Variants in ENOX1 observed in about 807,000 individuals in gnomAD.
The protein encoded by ENOX1 is candidate growth-related and time keeping constitutive hydroquinone (NADH) oxidase.
In ENOX1, 42 loss-of-function variants were observed where a neutral mutation model predicts 82.5. That is an observed-to-expected ratio of 0.51 (90% CI 0.40 to 0.66). ENOX1 has a LOEUF of 0.66. Ranked by LOEUF, ENOX1 falls within the 30% of genes least tolerant of loss-of-function variation. The pLI, the probability that ENOX1 is intolerant of heterozygous loss-of-function variation, is 0.00. For missense variants in ENOX1, 608 were observed against 811.6 expected (o/e 0.75, Z 3.05); for synonymous variants, 271 against 282.2 (o/e 0.96, Z 0.40).
chr13:43,529,706 T>A (rs1204994113), intron 2 of ENOX1, among the ~76,000 whole-genome samples: 2 of 152,176 alleles, frequency 1.3e-5, no homozygotes, highest in South Asian at 4.1e-4. Flanking sequence ...GCTTTAGGCA[T>A]CCACTGGGAG....
At chr13:43,239,646 C>T (rs865831806) in intron 14 of ENOX1, among the ~76,000 whole-genome samples, 21 of 152,288 alleles carry the variant, frequency 1.4e-4, no homozygotes, top group Middle Eastern at 3.4e-3. Context: ...GCTAAGCCTG[C>T]CTTGGGCATG....
chr13:43,579,934 G>A (rs1419579667), intron 2 of ENOX1, among the ~76,000 whole-genome samples: 1 of 152,134 alleles, frequency 6.6e-6, no homozygotes, highest in Non-Finnish European at 1.5e-5. Context: ...AGAGTTCAAG[G>A]TGTTCTTCCA....
chr13:43,586,962 T>C (rs2081023461), intron 2 of ENOX1, among the ~76,000 whole-genome samples: 1 of 151,410 alleles, frequency 6.6e-6, no homozygotes, highest in East Asian at 1.9e-4. Context: ...TAATTCCAGC[T>C]ACTCAGGAGG....
At chr13:43,386,144 C>T (rs879363288) in intron 5 of ENOX1, among the ~76,000 whole-genome samples, 8 of 152,000 alleles carry the variant, frequency 5.3e-5, no homozygotes, top group Non-Finnish European at 1.2e-4. Flanking sequence ...CCAGCCTGGG[C>T]GACAGAACAA....
At chr13:43,379,035 T>C (rs186885348) in intron 5 of ENOX1, among the ~76,000 whole-genome samples, 1 of 152,114 alleles carries the variant, frequency 6.6e-6, no homozygotes, top group Admixed American at 6.5e-5. Flanking sequence ...GTTTTGAAGA[T>C]GGAAGACAGC....
intron 15 of ENOX1, among the ~76,000 whole-genome samples, chr13:43,233,471 T>A (rs776374049): frequency 2.0e-5 from 3 of 152,162 alleles, no homozygotes; most frequent in Non-Finnish European, 4.4e-5. Flanking sequence ...AAATAAAGAC[T>A]CTAGTTTTAT....
intron 2 of ENOX1, among the ~76,000 whole-genome samples, chr13:43,585,831 C>T (rs145313536): frequency 0.032 from 4,907 of 152,294 alleles, 249 homozygotes; most frequent in African/African-American, 0.11. Context: ...CCCACGTTGG[C>T]CTCCCAAAGT....
intron 1 of ENOX1, among the ~76,000 whole-genome samples, chr13:43,732,678 G>C (rs1294825902): frequency 6.6e-6 from 1 of 152,120 alleles, no homozygotes; most frequent in Non-Finnish European, 1.5e-5. Context: ...CTTAAATCTT[G>C]CTCCAAGGTT....
chr13:43,602,279 T>G (rs1416845204), intron 2 of ENOX1, among the ~76,000 whole-genome samples: 3 of 152,022 alleles, frequency 2.0e-5, no homozygotes, highest in Non-Finnish European at 4.4e-5. Context: ...ATGAGGATAT[T>G]TTATAAATAA....
intron 11 of ENOX1, among the ~76,000 whole-genome samples, chr13:43,319,851 C>T (rs116755112): frequency 1.7e-3 from 261 of 152,330 alleles, no homozygotes; most frequent in African/African-American, 6.1e-3. Context: ...CATTACAGCA[C>T]TGGCAATTCC....
At chr13:43,217,330 T>C (rs181733604) in intron 16 of ENOX1, among the ~76,000 whole-genome samples, 4 of 152,318 alleles carry the variant, frequency 2.6e-5, no homozygotes, top group Admixed American at 2.0e-4. Context: ...CACGTTCATA[T>C]TGCTGATGCT....
At chr13:43,586,735 C>T (rs1566580870) in intron 2 of ENOX1, among the ~76,000 whole-genome samples, 6 of 152,132 alleles carry the variant, frequency 3.9e-5, no homozygotes, top group Admixed American at 3.3e-4. Context: ...ACACCATGTC[C>T]TCACACTCCT....
At chr13:43,641,147 G>T (rs890215430) in intron 2 of ENOX1, among the ~76,000 whole-genome samples, 1 of 152,046 alleles carries the variant, frequency 6.6e-6, no homozygotes, top group African/African-American at 2.4e-5. Context: ...ATTTGGAGGG[G>T]CATCAAGGTA....
chr13:43,321,070 T>C (rs955310532), intron 11 of ENOX1: 1 of 456,282 alleles, frequency 2.2e-6, no homozygotes, highest in Non-Finnish European at 4.4e-6. Flanking sequence ...CAGAAAATAG[T>C]GGCATGGTGC....
intron 14 of ENOX1, among the ~76,000 whole-genome samples, chr13:43,252,712 G>T (rs949545255): frequency 3.7e-4 from 56 of 152,288 alleles, no homozygotes; most frequent in African/African-American, 1.3e-3. Flanking sequence ...CCAGTGTGGG[G>T]TTCATAGTCT....
intron 11 of ENOX1, among the ~76,000 whole-genome samples, chr13:43,315,986 A>G (rs1205577184): frequency 6.6e-6 from 1 of 152,024 alleles, no homozygotes; most frequent in African/African-American, 2.4e-5. Flanking sequence ...ACCCTGTACT[A>G]CTCCCTGGTC....
intron 2 of ENOX1, among the ~76,000 whole-genome samples, chr13:43,489,099 G>T (rs543908448): frequency 1.3e-5 from 2 of 152,286 alleles, no homozygotes; most frequent in South Asian, 2.1e-4. Flanking sequence ...AAAGCCAGGT[G>T]CTTTAGAAGA....
chr13:43,296,651 G>T (rs1383845805), intron 12 of ENOX1, among the ~76,000 whole-genome samples: 1 of 152,226 alleles, frequency 6.6e-6, no homozygotes, highest in Non-Finnish European at 1.5e-5. Context: ...GGATGGCTCA[G>T]GTGGTGATTT....
rs149063550 is a variant in ENOX1 at position 43,433,590 on chromosome 13, A to G, written c.-74-20602T>C. Among the ~76,000 whole-genome samples, 488 of 152,374 alleles carry G rather than the reference A, an allele frequency of 3.2e-3. 3 individuals are homozygous for G. The highest frequency in any genetic ancestry group is 0.011 in the African/African-American group (458 of 41,592). On this transcript the variant is annotated intron_variant, in intron 3 of 16. Coordinates refer to ENST00000690772, the MANE Select transcript of ENOX1 (RefSeq NM_001347969.2). Reference sequence around the variant, plus strand: ...ATATATGTTTATTCTCTTTAAATATAAGAAAATAATAAATCCTATCCATAA... The same window carrying G: ...ATATATGTTTATTCTCTTTAAATATGAGAAAATAATAAATCCTATCCATAA...
Sources: gnomAD v4.1 joint callset for allele counts (sites outside exome capture counted in the v4.1 genomes callset) on GRCh38, gnomAD v4.1.1 for gene constraint, MANE v1.5 for transcripts, NCBI Gene and HGNC (gene_info 2026-07-23, HGNC 2026-07-21) for gene names.